Variants in PTPRN2 observed in about 807,000 individuals in gnomAD.
The protein encoded by PTPRN2 is receptor-type tyrosine-protein phosphatase N2.
A neutral mutation model predicts 118.8 loss-of-function variants in PTPRN2; 74 were observed. The observed-to-expected ratio is 0.62, with a 90% CI of 0.52 to 0.76. The LOEUF (loss-of-function observed/expected upper bound fraction) is 0.76. Ranked by LOEUF, PTPRN2 falls within the 30% of genes least tolerant of loss-of-function variation. The pLI, the probability that PTPRN2 is intolerant of heterozygous loss-of-function variation, is 0.00. For missense variants in PTPRN2, 1,481 were observed against 1,394.4 expected, an observed-to-expected ratio of 1.06 and a Z score of -0.99; for synonymous variants, 641 against 608.0, an observed-to-expected ratio of 1.05 and a Z score of -0.80.
intron 3 of PTPRN2, among the ~76,000 whole-genome samples, chr7:158,300,516 C>T (rs973537824): frequency 1.0e-4 from 3 of 28,742 alleles, no homozygotes; most frequent in Middle Eastern, 0.029. Context: ...CGACGTGGTG[C>T]GCGCACCTGC....
In PTPRN2 at chr7:157,589,378, G is replaced by A. The variant is rs1320237323; in HGVS notation, c.2496+5860C>T. On this transcript the variant is annotated intron_variant, in intron 17 of 22. Transcript: ENST00000389418. Reference sequence around the variant, plus strand: ...TGGACTCGAATGTCCCCTCCAATGGGTGCGTGTCTTTCACTCAAGGTGGCC... The same window carrying A: ...TGGACTCGAATGTCCCCTCCAATGGATGCGTGTCTTTCACTCAAGGTGGCC... Among the ~76,000 whole-genome samples, 5 of 152,348 alleles carry A rather than the reference G, an allele frequency of 3.3e-5. No individual in the cohort carries two copies. The East Asian group carries it at 5.8e-4, about 18-fold the overall frequency.
At chr7:157,775,615 C>T (rs74687527) in intron 12 of PTPRN2, among the ~76,000 whole-genome samples, 2,909 of 152,280 alleles carry the variant, frequency 0.019, 101 homozygotes, top group African/African-American at 0.066. Context: ...TGCAGGGAGT[C>T]GCCCAGGACA....
chr7:157,678,417 A>G (rs1228606763), intron 13 of PTPRN2, among the ~76,000 whole-genome samples: 1 of 152,202 alleles, frequency 6.6e-6, no homozygotes. Flanking sequence ...AAACTCACCT[A>G]GAGAAAGAAC....
intron 11 of PTPRN2, among the ~76,000 whole-genome samples, chr7:157,997,310 T>A (rs554538019): frequency 4.7e-4 from 71 of 152,348 alleles, no homozygotes; most frequent in Admixed American, 1.8e-3. Context: ...GTCATTCAGC[T>A]CCAAGGATGG....
At chr7:157,827,831 C>T (rs10265663) in intron 12 of PTPRN2, among the ~76,000 whole-genome samples, 15,928 of 152,240 alleles carry the variant, frequency 0.1, 1,441 homozygotes, top group African/African-American at 0.22. Flanking sequence ...GGACGGCCAC[C>T]GTGTCACGGG....
intron 9 of PTPRN2, among the ~76,000 whole-genome samples, chr7:158,114,123 G>A (rs1206039698): frequency 6.6e-6 from 1 of 152,224 alleles, no homozygotes; most frequent in Non-Finnish European, 1.5e-5. Flanking sequence ...AGCTGGTCCA[G>A]TTTGGGAGTG....
At chr7:157,725,551 ATC>A (rs1799523473) in intron 12 of PTPRN2, among the ~76,000 whole-genome samples, 1 of 124,932 alleles carries the variant, frequency 8.0e-6, no homozygotes, top group African/African-American at 3.2e-5. Context: ...AGAACTGGAT[ATC>A]CACACGCAGA....
At chr7:158,124,193 A>G (rs1339080607) in intron 9 of PTPRN2, among the ~76,000 whole-genome samples, 1 of 152,248 alleles carries the variant, frequency 6.6e-6, no homozygotes, top group African/African-American at 2.4e-5. Flanking sequence ...AGTAGGCCCT[A>G]AAGGCACAAG....
At chr7:158,552,586 A>G (rs1826735372) in intron 1 of PTPRN2, among the ~76,000 whole-genome samples, 1 of 152,118 alleles carries the variant, frequency 6.6e-6, no homozygotes, top group Non-Finnish European at 1.5e-5. Flanking sequence ...AGCTAGGATT[A>G]CAGGCACCCA....
At chr7:158,248,137 G>A (rs1036601463) in intron 3 of PTPRN2, among the ~76,000 whole-genome samples, 1 of 152,226 alleles carries the variant, frequency 6.6e-6, no homozygotes, top group African/African-American at 2.4e-5. Flanking sequence ...TAAAGCTGGG[G>A]CTTTGCTCAG....
At chr7:158,389,500 C>T (rs1001549139) in intron 2 of PTPRN2, among the ~76,000 whole-genome samples, 1 of 152,222 alleles carries the variant, frequency 6.6e-6, no homozygotes. Context: ...TGCACAGACA[C>T]CAGAGTCTGA....
intron 12 of PTPRN2, among the ~76,000 whole-genome samples, chr7:157,856,828 A>G (rs1166256243): frequency 6.6e-6 from 1 of 152,152 alleles, no homozygotes; most frequent in African/African-American, 2.4e-5. Context: ...TCCAATTTTT[A>G]AAACTTTTTT....
chr7:158,336,376 C>G (rs1334982848), intron 2 of PTPRN2, among the ~76,000 whole-genome samples: 1 of 144,030 alleles, frequency 6.9e-6, no homozygotes, highest in African/African-American at 2.6e-5. Flanking sequence ...TAAGAGCTGA[C>G]ACATGCAGAC....
intron 2 of PTPRN2, among the ~76,000 whole-genome samples, chr7:158,458,487 C>G (rs1046115514): frequency 6.6e-6 from 1 of 152,106 alleles, no homozygotes; most frequent in Non-Finnish European, 1.5e-5. Context: ...TAAAGCTCCC[C>G]CGGTTTTTAA....
intron 2 of PTPRN2, among the ~76,000 whole-genome samples, chr7:158,482,748 T>A (rs28661035): frequency 0.19 from 29,299 of 152,210 alleles, 3,305 homozygotes; most frequent in East Asian, 0.41. Flanking sequence ...TGGTTTTTTT[T>A]ATATTCACAA....
chr7:158,553,209 T>C lies in PTPRN2; in HGVS notation c.112+34349A>G, dbSNP rs566373477. 4.2e-5 allele frequency among the ~76,000 whole-genome samples: 6 copies of C among 144,140 alleles called. No homozygotes were observed. In the South Asian group the frequency reaches 1.1e-3, roughly 27 times the overall value. 94.6% of individuals were successfully genotyped at this position (144,140 alleles called of 152,430 possible). A position where few individuals can be genotyped will look rare whatever the true frequency, so the allele number is the denominator to read the frequency against. ...TGGGAGTCTACACTACCTTCCCCTA[T>C]ACATGAATAGGCTTTGGAGTCTACA... On this transcript the variant is annotated intron_variant, in intron 1 of 22. Coordinates refer to ENST00000389418, the MANE Select transcript of PTPRN2 (RefSeq NM_002847.5).
At chr7:158,183,334 C>G (rs1420400862) in intron 5 of PTPRN2, among the ~76,000 whole-genome samples, 1 of 152,166 alleles carries the variant, frequency 6.6e-6, no homozygotes, top group Non-Finnish European at 1.5e-5. Context: ...ATCATGGAGA[C>G]AGGAAGTGTG....
chr7:158,503,749 C>A (rs1464720837), intron 1 of PTPRN2, among the ~76,000 whole-genome samples: 1 of 152,204 alleles, frequency 6.6e-6, no homozygotes, highest in Non-Finnish European at 1.5e-5. Context: ...GCCTGTAATC[C>A]CAGCACTTTG....
intron 2 of PTPRN2, among the ~76,000 whole-genome samples, chr7:158,448,497 G>A (rs1282521518): frequency 2.0e-5 from 3 of 152,092 alleles, no homozygotes; most frequent in African/African-American, 7.2e-5. Flanking sequence ...CAGGAGGGTG[G>A]GGTGGGGAGG....
Sources: allele counts gnomAD v4.1 joint callset (sites outside exome capture counted in the v4.1 genomes callset), GRCh38; gene constraint gnomAD v4.1.1; transcripts MANE v1.5; gene names NCBI Gene and HGNC (gene_info 2026-07-23, HGNC 2026-07-21).